Variants in NAALADL2 observed in about 807,000 individuals in gnomAD.
NAALADL2 encodes inactive N-acetylated-alpha-linked acidic dipeptidase-like protein 2.
NAALADL2 carries 76 observed loss-of-function variants against 87.2 expected under a neutral mutation model. That is an observed-to-expected ratio of 0.87 (90% CI 0.72 to 1.05). The LOEUF is 1.05. Ranked by LOEUF, NAALADL2 falls within the 50% of genes least tolerant of loss-of-function variation. The probability of loss-of-function intolerance (pLI) is 0.00; values close to 1 mark genes in which losing one functional copy is unlikely to be tolerated. For synonymous variants in NAALADL2, 354 were observed against 331.0 expected, an observed-to-expected ratio of 1.07 and a Z score of -0.75; for missense variants, 1,089 against 945.8, an observed-to-expected ratio of 1.15 and a Z score of -1.99.
intron 1 of NAALADL2, among the ~76,000 whole-genome samples, chr3:175,012,559 A>G (rs187577553): frequency 1.3e-4 from 20 of 152,262 alleles, no homozygotes; most frequent in Middle Eastern, 3.4e-3. Context: ...TATTTTTGAT[A>G]TTAACGTGTT....
intron 2 of NAALADL2, among the ~76,000 whole-genome samples, chr3:174,643,200 G>C (rs185334280): frequency 1.6e-4 from 24 of 152,272 alleles, no homozygotes; most frequent in African/African-American, 5.1e-4. Context: ...AGTAGTTCCT[G>C]CTCTCATAGA....
At chr3:174,717,923 C>T (rs936569251) in intron 2 of NAALADL2, among the ~76,000 whole-genome samples, 13 of 151,912 alleles carry the variant, frequency 8.6e-5, no homozygotes, top group Non-Finnish European at 1.6e-4. Flanking sequence ...GTCAGGAGTT[C>T]GAGACTAGCC....
At chr3:175,393,884 CT>C (rs1398758651) in intron 5 of NAALADL2, among the ~76,000 whole-genome samples, 1 of 152,162 alleles carries the variant, frequency 6.6e-6, no homozygotes, top group Non-Finnish European at 1.5e-5. Context: ...ACCAGTCCCC[CT>C]TTTTGGAGAT....
At chr3:174,463,262 G>A (rs928127537) in intron 1 of NAALADL2, among the ~76,000 whole-genome samples, 1 of 152,120 alleles carries the variant, frequency 6.6e-6, no homozygotes, top group Non-Finnish European at 1.5e-5. Context: ...TCTCTGCTCA[G>A]TATACTTTTG....
chr3:175,338,978 C>T (rs1008800441), intron 5 of NAALADL2, among the ~76,000 whole-genome samples: 5 of 152,112 alleles, frequency 3.3e-5, no homozygotes, highest in African/African-American at 1.2e-4. Context: ...TGAAGAGCAG[C>T]AATTAGAAAC....
chr3:174,444,465 A>T (rs1023649922), intron 1 of NAALADL2, among the ~76,000 whole-genome samples: 3 of 152,158 alleles, frequency 2.0e-5, no homozygotes, highest in African/African-American at 7.2e-5. Flanking sequence ...AACTTTGTGC[A>T]TTGTTGAGGA....
intron 2 of NAALADL2, among the ~76,000 whole-genome samples, chr3:175,111,870 A>G (rs569693499): frequency 2.0e-5 from 3 of 151,746 alleles, no homozygotes; most frequent in South Asian, 2.1e-4. Flanking sequence ...GGGAATTTAT[A>G]TCACAGCAAC....
intron 2 of NAALADL2, among the ~76,000 whole-genome samples, chr3:175,223,339 G>A (rs1743675988): frequency 7.0e-6 from 1 of 141,908 alleles, no homozygotes; most frequent in African/African-American, 2.6e-5. Flanking sequence ...CTATTAGTTT[G>A]ATTTTTTTTT....
chr3:174,802,550 G>T (rs147083473), intron 3 of NAALADL2, among the ~76,000 whole-genome samples: 1 of 152,166 alleles, frequency 6.6e-6, no homozygotes, highest in African/African-American at 2.4e-5. Flanking sequence ...TGTTACATAG[G>T]TATACATGTG....
chr3:175,553,460 T>C (rs999968525), intron 9 of NAALADL2, among the ~76,000 whole-genome samples: 3 of 152,190 alleles, frequency 2.0e-5, no homozygotes, highest in Non-Finnish European at 2.9e-5. Context: ...GTCTTCTCTG[T>C]GAAATCTCCT....
At chr3:174,916,042 TG>T (rs1734334454) in intron 1 of NAALADL2, among the ~76,000 whole-genome samples, 2 of 151,920 alleles carry the variant, frequency 1.3e-5, no homozygotes, top group Non-Finnish European at 2.9e-5. Flanking sequence ...AGTAATCCCA[TG>T]AAAAATATGG....
chr3:175,674,515 C>T (rs777390050), intron 11 of NAALADL2, among the ~76,000 whole-genome samples: 3 of 152,126 alleles, frequency 2.0e-5, no homozygotes, highest in South Asian at 2.1e-4. Context: ...CAGCCTGCCT[C>T]GGCCTCCCAA....
chr3:174,506,444 G>A (rs1485424098), intron 1 of NAALADL2, among the ~76,000 whole-genome samples: 1 of 152,050 alleles, frequency 6.6e-6, no homozygotes, highest in Non-Finnish European at 1.5e-5. Flanking sequence ...GCCTCCCAAA[G>A]TGCTAGGATT....
intron 1 of NAALADL2, among the ~76,000 whole-genome samples, chr3:175,061,966 A>T: frequency 6.6e-6 from 1 of 152,074 alleles, no homozygotes; most frequent in East Asian, 1.9e-4. Flanking sequence ...GTAGCAGAAA[A>T]GCTGGATCAC....
At chr3:174,732,943 C>T (rs1175294136) in intron 2 of NAALADL2, among the ~76,000 whole-genome samples, 1 of 152,046 alleles carries the variant, frequency 6.6e-6, no homozygotes, top group Non-Finnish European at 1.5e-5. Flanking sequence ...GTGTATTAAG[C>T]CACCATCAGA....
intron 3 of NAALADL2, among the ~76,000 whole-genome samples, chr3:175,251,745 G>A (rs1206726280): frequency 6.6e-6 from 1 of 152,198 alleles, no homozygotes; most frequent in East Asian, 1.9e-4. Flanking sequence ...CAGCTGTGAT[G>A]TTCAGTTTGC....
Position 174,887,439 on chromosome 3 carries a change from A to G in NAALADL2, c.43+27989A>G, listed in dbSNP as rs1172557436. Among the ~76,000 whole-genome samples the G allele has an allele frequency of 2.0e-5, 3 of 152,222 alleles. No homozygotes were observed. In the East Asian group the frequency reaches 5.8e-4, roughly 29 times the overall value. On this transcript the variant is annotated intron_variant, in intron 1 of 13. Coordinates refer to ENST00000454872, the MANE Select transcript of NAALADL2 (RefSeq NM_207015.3). The stretch of plus-strand genomic sequence containing the variant: ...GTCACCATATACATTCTTCAAATTT[A>G]TCCTTGTTATTCATTTTCTGAGTTT...
intron 4 of NAALADL2, among the ~76,000 whole-genome samples, chr3:175,313,145 G>A (rs1758599116): frequency 6.6e-6 from 1 of 151,682 alleles, no homozygotes. Flanking sequence ...CTCTTCTTTT[G>A]CTTCTGAGTA....
chr3:174,882,638 C>CATATGCAT (rs1729445780), intron 1 of NAALADL2, among the ~76,000 whole-genome samples: 4 of 81,290 alleles, frequency 4.9e-5, no homozygotes, highest in African/African-American at 2.3e-4. Context: ...TGCATATACA[C>CATATGCAT]ATATGTGCAT....
Sources: gnomAD v4.1 joint callset for allele counts (sites outside exome capture counted in the v4.1 genomes callset) on GRCh38, gnomAD v4.1.1 for gene constraint, MANE v1.5 for transcripts, NCBI Gene and HGNC (gene_info 2026-07-23, HGNC 2026-07-21) for gene names.